Variants in PCDHGA2 observed in about 807,000 individuals in gnomAD.
PCDHGA2 encodes the protein protocadherin gamma subfamily A, 2, also known as protocadherin gamma-A2.
Under a neutral mutation model 59.2 loss-of-function variants are expected in PCDHGA2, and 40 were observed. The observed-to-expected ratio is 0.68, with a 90% CI of 0.52 to 0.88. The LOEUF (loss-of-function observed/expected upper bound fraction) is 0.88. PCDHGA2 is among the 40% of genes least tolerant of loss of function. PCDHGA2 has a pLI of 0.00. For missense variants in PCDHGA2, 1,226 were observed against 1,204.0 expected, an observed-to-expected ratio of 1.02 and a Z score of -0.27; for synonymous variants, 560 against 526.0, an observed-to-expected ratio of 1.06 and a Z score of -0.89.
At chr5:141,380,678 T>C (rs1387633000) in intron 1 of PCDHGA2, among the ~76,000 whole-genome samples, 3 of 152,250 alleles carry the variant, frequency 2.0e-5, no homozygotes, top group Non-Finnish European at 4.4e-5. Flanking sequence ...AGGGTATGTA[T>C]GCTTTGTGTT....
chr5:141,352,095 TC>T, intron 1 of PCDHGA2: 1 of 1,605,676 alleles, frequency 6.2e-7, no homozygotes, highest in Non-Finnish European at 8.5e-7. Context: ...GAGCCCGGGC[TC>T]TTCAGCCTGG....
chr5:141,350,183 A>C (rs997161714), intron 1 of PCDHGA2: 3 of 1,343,602 alleles, frequency 2.2e-6, no homozygotes, highest in Non-Finnish European at 3.0e-6. Context: ...CTAAGCTCAA[A>C]TCACAGAAGT....
chr5:141,345,566 T>A, intron 1 of PCDHGA2: 1 of 1,614,182 alleles, frequency 6.2e-7, no homozygotes, highest in Non-Finnish European at 8.5e-7. Flanking sequence ...ACTCCAACAC[T>A]GGCGTCCTAT....
chr5:141,338,961 A>G lies in PCDHGA2; in HGVS notation c.-11A>G, dbSNP rs186827842. 7 of 1,525,380 alleles carry G rather than the reference A, an allele frequency of 4.6e-6. No homozygotes were observed. The African/African-American group carries it at 8.3e-5, about 18-fold the overall frequency. 94.5% of individuals were successfully genotyped at this position (1,525,380 alleles called of 1,614,324 possible). On this transcript the variant is annotated 5_prime_UTR_variant, in exon 1 of 4. Transcript: ENST00000394576. Reference sequence around the variant, plus strand: ...GGAAGTTGACTCGGAGAAAATTGCGACAGGAGGGAAATGGCGGCTCTGCAA... The same window carrying G: ...GGAAGTTGACTCGGAGAAAATTGCGGCAGGAGGGAAATGGCGGCTCTGCAA...
chr5:141,492,111 C>T (rs2154587044), intron 1 of PCDHGA2, among the ~76,000 whole-genome samples: 1 of 152,320 alleles, frequency 6.6e-6, no homozygotes, highest in South Asian at 2.1e-4. Context: ...ATTTCCTCTT[C>T]GATTTCTCCC....
rs749086929 is a variant in PCDHGA2, at chr5:141,485,998, T to A, written c.2425-8809T>A. ...CAGACCCGGACCTGGGTCCCAGTGG[T>A]AACGTCACCTTTTATTTCAGTGGTC... On this transcript the variant is annotated intron_variant, in intron 1 of 3. Transcript: ENST00000394576. The surrounding 1 kb of genome is among the most constrained non-coding windows in gnomAD (Gnocchi z 5.7). 2.4e-5 allele frequency: 38 copies of A among 1,614,068 alleles called. No individual in the cohort carries two copies. Among genetic ancestry groups the A allele is most frequent in the Non-Finnish European group, 3.1e-5 (37 of 1,180,046 alleles).
rs1367784077 is a variant in PCDHGA2 at position 141,340,239 on chromosome 5, C to A, written c.1268C>A (p.Thr423Asn). Residue 423 changes from threonine (T) to asparagine (N), a missense_variant, in exon 1 of 4, where the codon ACC becomes AAC. By Grantham distance (65) the Thr-to-Asn change is moderately conservative. Coordinates refer to ENST00000394576, the MANE Select transcript of PCDHGA2 (RefSeq NM_018915.4). Reference sequence around the variant, plus strand: ...TTTTCCTTTTACAACATCACTCTAACCGCTAAAGATGGAGGGAACCCCTCC... The same window carrying A: ...TTTTCCTTTTACAACATCACTCTAAACGCTAAAGATGGAGGGAACCCCTCC... ...EQFSFYNITL[T>N]AKDGGNPSLS... 1.2e-6 allele frequency: 2 copies of A among 1,614,084 alleles called. No homozygotes were observed. The highest frequency in any genetic ancestry group is 1.7e-6 in the Non-Finnish European group (2 of 1,180,032).
In PCDHGA2 at chr5:141,490,081, T is replaced by A; in HGVS notation, c.2425-4726T>A. Reference sequence around the variant, plus strand: ...CACCAACGGCCAACTAGACTATTCTTTTGGAGACCACACATCTGAGGCAGT... The same window carrying A: ...CACCAACGGCCAACTAGACTATTCTATTGGAGACCACACATCTGAGGCAGT... On this transcript the variant is annotated intron_variant, in intron 1 of 3. Coordinates refer to ENST00000394576, the MANE Select transcript of PCDHGA2 (RefSeq NM_018915.4). The surrounding 1 kb of genome is among the most constrained non-coding windows in gnomAD (Gnocchi z 5.4). 3 of 1,614,216 alleles carry A rather than the reference T, an allele frequency of 1.9e-6. No homozygotes were observed. Among genetic ancestry groups the A allele is most frequent in the Non-Finnish European group, 2.5e-6 (3 of 1,180,040 alleles).
chr5:141,489,225 A>G lies in PCDHGA2; in HGVS notation c.2425-5582A>G. 3 of 1,518,230 alleles carry G rather than the reference A, an allele frequency of 2.0e-6. No individual in the cohort carries two copies. Among genetic ancestry groups the G allele is most frequent in the East Asian group, 2.3e-5 (1 of 44,234 alleles). 94.0% of individuals were successfully genotyped at this position (1,518,230 alleles called of 1,614,324 possible). On this transcript the variant is annotated intron_variant, in intron 1 of 3. Coordinates refer to ENST00000394576, the MANE Select transcript of PCDHGA2 (RefSeq NM_018915.4). The surrounding 1 kb of genome is among the most constrained non-coding windows in gnomAD (Gnocchi z 4.5). ...GGACAGCACAGACTTACTCTCCACA[A>G]AGGGACTTCTGGGTCATGGGGCCCA...
chr5:141,353,389 T>C (rs1759266396), intron 1 of PCDHGA2, among the ~76,000 whole-genome samples: 1 of 152,234 alleles, frequency 6.6e-6, no homozygotes, highest in East Asian at 1.9e-4. Flanking sequence ...AATGTAATTA[T>C]GTAATTAATG....
intron 1 of PCDHGA2, among the ~76,000 whole-genome samples, chr5:141,469,449 C>A (rs1017174114): frequency 2.0e-5 from 3 of 151,846 alleles, no homozygotes; most frequent in African/African-American, 7.3e-5. Context: ...GTGGTGCACA[C>A]CTGTAGTCTC....
At chr5:141,446,508 G>A (rs932199756) in intron 1 of PCDHGA2, among the ~76,000 whole-genome samples, 4 of 151,356 alleles carry the variant, frequency 2.6e-5, no homozygotes, top group Non-Finnish European at 5.9e-5. Flanking sequence ...ATGGAGTCTC[G>A]CTCTGTCACC....
At chr5:141,422,898 C>CTCTG (rs747261683) in intron 1 of PCDHGA2, 4 of 1,614,250 alleles carry the variant, frequency 2.5e-6, no homozygotes, top group Non-Finnish European at 3.4e-6. Flanking sequence ...TGGACCAGAA[C>CTCTG]GACAATGCGC....
At chr5:141,393,730 G>A in intron 1 of PCDHGA2, 1 of 1,613,842 alleles carries the variant, frequency 6.2e-7, no homozygotes, top group Non-Finnish European at 8.5e-7. Context: ...ATAGCAAAAA[G>A]TCTAGATTAT....
intron 3 of PCDHGA2, among the ~76,000 whole-genome samples, chr5:141,508,742 C>A (rs955179947): frequency 2.0e-5 from 3 of 151,998 alleles, no homozygotes; most frequent in Admixed American, 6.6e-5. Context: ...CCCCCCACCC[C>A]GCTCTTTCTC....
rs758599120 is a variant in PCDHGA2 at position 141,414,165 on chromosome 5, A to G, written c.2424+72770A>G. On this transcript the variant is annotated intron_variant, in intron 1 of 3. Transcript: ENST00000394576. The stretch of plus-strand genomic sequence containing the variant: ...AAATACAAGCAGAAGATGGAGGAGC[A>G]TATCTTGCAACTGCAAAAGTGTTGA... 8 of 1,604,890 alleles carry G rather than the reference A, an allele frequency of 5.0e-6. No homozygotes were observed. The highest frequency in any genetic ancestry group is 2.2e-5 in the South Asian group (2 of 89,922).
chr5:141,452,172 T>G (rs1338447268), intron 1 of PCDHGA2, among the ~76,000 whole-genome samples: 1 of 152,206 alleles, frequency 6.6e-6, no homozygotes, highest in Non-Finnish European at 1.5e-5. Flanking sequence ...TTACTAACAT[T>G]TTTTATTTTG....
intron 1 of PCDHGA2, chr5:141,389,006 C>T (rs1238735616): frequency 1.2e-6 from 2 of 1,613,868 alleles, no homozygotes. Flanking sequence ...ACAAGGATTC[C>T]AGACACAATG....
chr5:141,356,313 G>T, intron 1 of PCDHGA2: 2 of 1,554,238 alleles, frequency 1.3e-6, no homozygotes, highest in Non-Finnish European at 1.7e-6. Flanking sequence ...TTTTCAACGT[G>T]CATGACAGTG....
Sources: allele counts gnomAD v4.1 joint callset (sites outside exome capture counted in the v4.1 genomes callset), GRCh38; gene constraint gnomAD v4.1.1; non-coding constraint Gnocchi (gnomAD v3.1); transcripts MANE v1.5; gene names NCBI Gene and HGNC (gene_info 2026-07-23, HGNC 2026-07-21).